The following ERO1A variants were observed in gnomAD, a reference collection of about 807,000 sequenced individuals.
ERO1A encodes the protein ERO1-like protein alpha.
ERO1A carries 49 observed loss-of-function variants against 76.9 expected under a neutral mutation model. That is an observed-to-expected ratio of 0.64 (90% CI 0.51 to 0.81). The LOEUF (loss-of-function observed/expected upper bound fraction) is 0.81. Among genes scored for constraint, ERO1A ranks in the 30% least tolerant of loss-of-function variants. The pLI is 0.00. For synonymous variants in ERO1A, 174 were observed against 181.2 expected, an observed-to-expected ratio of 0.96 and a Z score of 0.32; for missense variants, 448 against 542.1, an observed-to-expected ratio of 0.83 and a Z score of 1.72.
chr14:52,656,314 A>G (rs1410660194), intron 11 of ERO1A, among the ~76,000 whole-genome samples: 3 of 152,172 alleles, frequency 2.0e-5, no homozygotes, highest in Non-Finnish European at 4.4e-5. Flanking sequence ...AAAATAATAA[A>G]ATTTCCTTTT....
intron 8 of ERO1A, among the ~76,000 whole-genome samples, chr14:52,661,897 T>C (rs182445804): frequency 1.3e-5 from 2 of 152,100 alleles, no homozygotes; most frequent in East Asian, 3.9e-4. Context: ...AAGAAATATA[T>C]AATCATTGCA....
intron 4 of ERO1A, among the ~76,000 whole-genome samples, chr14:52,674,462 G>A (rs1015855068): frequency 6.6e-6 from 1 of 152,140 alleles, no homozygotes; most frequent in African/African-American, 2.4e-5. Context: ...GCCTCCAAAA[G>A]CACTGGGATT....
intron 1 of ERO1A, among the ~76,000 whole-genome samples, 183 bp from the exon 2 acceptor site, chr14:52,684,090 C>T (rs997684061): frequency 1.3e-5 from 2 of 148,484 alleles, no homozygotes; most frequent in African/African-American, 2.5e-5. Flanking sequence ...TGCTATATAC[C>T]GAGGAATGGA....
intron 13 of ERO1A, 34 bp from the exon 14 acceptor site, chr14:52,646,495 T>A: frequency 6.7e-7 from 1 of 1,495,904 alleles, no homozygotes; most frequent in Non-Finnish European, 9.2e-7. Flanking sequence ...TATTAAGATG[T>A]AATATACAGT....
chr14:52,667,572 A>C (rs1463205485), intron 6 of ERO1A, among the ~76,000 whole-genome samples: 1 of 151,916 alleles, frequency 6.6e-6, no homozygotes, highest in Non-Finnish European at 1.5e-5. Context: ...AAATACAAAA[A>C]TTAGCCAGGC....
At chr14:52,671,766 T>G (rs1386391991) in intron 5 of ERO1A, 29 bp downstream of exon 5, 1 of 1,590,804 alleles carries the variant, frequency 6.3e-7, no homozygotes, top group African/African-American at 1.3e-5. Context: ...TAAAGAAACA[T>G]GAAATACTGC....
intron 11 of ERO1A, among the ~76,000 whole-genome samples, chr14:52,655,364 C>G (rs1264026511): frequency 8.0e-6 from 1 of 125,678 alleles, no homozygotes; most frequent in South Asian, 2.4e-4. Context: ...GACTCTGTCT[C>G]AAAAAAAAAA....
rs763394147 is a variant in ERO1A at position 52,695,409 on chromosome 14, C to T, written c.73G>A (p.Glu25Lys). Residue 25 changes from glutamate to lysine, a missense_variant, in exon 1 of 16, where the codon GAG becomes AAG. By Grantham distance (56) the Glu-to-Lys change is moderately conservative. Coordinates refer to ENST00000395686, the MANE Select transcript of ERO1A (RefSeq NM_014584.3). ...VWLLSSGHGE[E>K]QPPETAAQRC... ...TGTGCCGCTGTCTCCGGGGGCTGCTCCTCTCCGTGGCCCGAGCTGAGCAGC... is the reference window on the plus strand; with the variant it reads ...TGTGCCGCTGTCTCCGGGGGCTGCTTCTCTCCGTGGCCCGAGCTGAGCAGC... 1.2e-5 allele frequency: 18 copies of T among 1,544,804 alleles called. No homozygotes were observed. In the Admixed American group the frequency reaches 2.5e-4, roughly 21 times the overall value.
At chr14:52,674,028 T>G (rs1178594549) in intron 4 of ERO1A, among the ~76,000 whole-genome samples, 1 of 152,234 alleles carries the variant, frequency 6.6e-6, no homozygotes, top group East Asian at 1.9e-4. Context: ...AGGACACTGG[T>G]TTTTACCCAG....
chr14:52,663,660 A>C (rs1016123413), intron 8 of ERO1A, 141 bp downstream of exon 8: 8 of 528,098 alleles, frequency 1.5e-5, no homozygotes, highest in Non-Finnish European at 2.4e-5. Context: ...AATCTCTGCA[A>C]GCGTGAGGCA....
Position 52,641,239 on chromosome 14 carries a change from TTTAG to T in ERO1A, c.*2327_*2330del, listed in dbSNP as rs957701531. ...TTAACCAGAGAGCCAAATGGCAGATTTTAGTTAAGGAGCCAGTAGAAGGTGACAA... is the reference window on the plus strand; with the variant it reads ...TTAACCAGAGAGCCAAATGGCAGATTTTAAGGAGCCAGTAGAAGGTGACAA... On this transcript the variant is annotated 3_prime_UTR_variant, in exon 16 of 16. Transcript: ENST00000395686. The T allele has an allele frequency of 7.2e-5, 11 of 151,918 alleles. No homozygotes were observed. The highest frequency in any genetic ancestry group is 2.7e-4 in the African/African-American group (11 of 41,358). 9.4% of individuals were successfully genotyped at this position (151,918 alleles called of 1,614,324 possible). A position where few individuals can be genotyped will look rare whatever the true frequency, so the allele number is the denominator to read the frequency against.
chr14:52,692,849 T>G (rs2041399966), intron 1 of ERO1A, among the ~76,000 whole-genome samples: 1 of 151,922 alleles, frequency 6.6e-6, no homozygotes, highest in Non-Finnish European at 1.5e-5. Flanking sequence ...TCTGTGTATG[T>G]CTGTCTATAT....
At chr14:52,646,767 C>A in intron 13 of ERO1A, 1 of 239,080 alleles carries the variant, frequency 4.2e-6, no homozygotes. Context: ...ACTTAGAAAC[C>A]AGGCCTGTCT....
In ERO1A at chr14:52,695,101, G is replaced by A. The variant is rs901411504; in HGVS notation, c.114+267C>T. Among the ~76,000 whole-genome samples, 5 of 152,302 alleles carry A rather than the reference G, an allele frequency of 3.3e-5. 1 individual carries two copies. Among genetic ancestry groups the A allele is most frequent in the Admixed American group, 2.0e-4 (3 of 15,302 alleles). On this transcript the variant is annotated intron_variant, in intron 1 of 15. Coordinates refer to ENST00000395686, the MANE Select transcript of ERO1A (RefSeq NM_014584.3). Reference sequence around the variant, plus strand: ...TCCCCGGGCAGATAAGACCAACAAAGATGCATAAACCCACTCAACCGCGTG... The same window carrying A: ...TCCCCGGGCAGATAAGACCAACAAAAATGCATAAACCCACTCAACCGCGTG...
rs2039470340 is a variant in ERO1A at position 52,641,448 on chromosome 14, A to G, written c.*2122T>C. ...AACACTGCCTCTACTAAAAATACAA[A>G]AAAAAAAAAAAAAAAATTAGCCGGG... On this transcript the variant is annotated 3_prime_UTR_variant, in exon 16 of 16. Transcript: ENST00000395686. 1 of 147,062 alleles carries G rather than the reference A, an allele frequency of 6.8e-6. No homozygotes were observed. The highest frequency in any genetic ancestry group is 2.5e-5 in the African/African-American group (1 of 40,134). The allele number at this position is 147,062 out of a possible 1,614,324, so 9.1% of individuals were successfully genotyped here. A position where few individuals can be genotyped will look rare whatever the true frequency, so the allele number is the denominator to read the frequency against.
chr14:52,663,666 A>G, intron 8 of ERO1A, 135 bp downstream of exon 8: 1 of 535,232 alleles, frequency 1.9e-6, no homozygotes, highest in Non-Finnish European at 3.4e-6. Context: ...TGCAAGCGTG[A>G]GGCATAACTC....
Position 52,646,452 on chromosome 14 carries a change from G to A in ERO1A, c.1135C>T (p.Arg379Ter), listed in dbSNP as rs1048560505. 5 of 1,608,272 alleles carry A rather than the reference G, an allele frequency of 3.1e-6. No individual in the cohort carries two copies. Among genetic ancestry groups the A allele is most frequent in the East Asian group, 2.2e-5 (1 of 44,812 alleles). The part of the protein sequence containing the change: ...KEAHKLKEDF[R>*]LHFRNISRIM... ...CTTGAAATATTTCTAAAATGCAGTC[G>A]AAAGTCCTCCTGAAAACAATTTAAC... Residue 379 changes from arginine (R) to a stop codon, truncating the protein, a stop_gained, in exon 14 of 16, where the codon CGA (arginine) becomes TGA (stop). Coordinates refer to ENST00000395686, the MANE Select transcript of ERO1A (RefSeq NM_014584.3). LOFTEE classifies it high-confidence loss of function.
At chr14:52,682,299 T>C in intron 3 of ERO1A, 26 bp downstream of exon 3, 1 of 1,498,030 alleles carries the variant, frequency 6.7e-7, no homozygotes, top group Non-Finnish European at 9.1e-7. Flanking sequence ...CATGTAACAG[T>C]TTTTAAATGT....
chr14:52,643,355 T>G lies in ERO1A; in HGVS notation c.*215A>C, dbSNP rs80230467. ...ATTAAACTTTAAAATTTGTACCACA[T>G]TATTAAAGTATTACTTTTACTCACA... On this transcript the variant is annotated 3_prime_UTR_variant, in exon 16 of 16. Transcript: ENST00000395686. 3.9e-3 allele frequency: 1,400 copies of G among 357,160 alleles called. 31 individuals carry two copies. Among genetic ancestry groups the G allele is most frequent in the Admixed American group, 0.038 (799 of 21,058 alleles). 22.1% of individuals were successfully genotyped at this position (357,160 alleles called of 1,614,324 possible).
Sources: gnomAD v4.1 joint callset for allele counts (sites outside exome capture counted in the v4.1 genomes callset) on GRCh38, gnomAD v4.1.1 for gene constraint, MANE v1.5 for transcripts, NCBI Gene and HGNC (gene_info 2026-07-23, HGNC 2026-07-21) for gene names.